KRT83: variants seen among roughly 807,000 people sequenced by gnomAD.
The protein encoded by KRT83 is keratin 83, also known as keratin, type II cuticular Hb3.
KRT83 carries 51 observed loss-of-function variants against 52.9 expected under a neutral mutation model. The ratio of observed to expected loss-of-function variants is 0.96; its 90% CI spans 0.77 to 1.22. The LOEUF is 1.22. Among genes scored for constraint, KRT83 ranks in the 50% most tolerant of loss-of-function variants. The pLI is 0.00. For missense variants in KRT83, 654 were observed against 666.5 expected (o/e 0.98, Z 0.21); for synonymous variants, 278 against 274.1 (o/e 1.01, Z -0.14).
chr12:52,319,108 G>T, intron 2 of KRT83, 48 bp downstream of exon 2: 2 of 1,611,710 alleles, frequency 1.2e-6, no homozygotes, highest in Non-Finnish European at 8.5e-7. Context: ...TCAGGGAGCT[G>T]CCACCATGCT....
In KRT83 at chr12:52,319,311, G is replaced by A. The variant is rs1403833982; in HGVS notation, c.438C>T (p.Tyr146=). The change falls in exon 2 of 9, where the codon TAC becomes TAT. Residue 146 remains tyrosine (Y), a synonymous_variant. Coordinates refer to ENST00000293670, the MANE Select transcript of KRT83 (RefSeq NM_002282.3). ...TACTCTGGCAGCACTCGCGGTTTTG[G>A]TAGAACTGCAGCTTTGTCTCCAGCA... ...NKLLETKLQF[Y]QNRECCQSNL... is the part of the protein sequence containing the mutation. 46 of 1,613,950 alleles carry A rather than the reference G, an allele frequency of 2.9e-5. No individual in the cohort carries two copies. The highest frequency in any genetic ancestry group is 3.8e-5 in the Non-Finnish European group (45 of 1,179,940).
intron 1 of KRT83, among the ~76,000 whole-genome samples, chr12:52,320,215 T>G (rs1328057710): frequency 6.6e-6 from 1 of 152,182 alleles, no homozygotes; most frequent in African/African-American, 2.4e-5. Flanking sequence ...GTGTGACTCC[T>G]CTCTTGAGGT....
chr12:52,316,140 G>A, intron 6 of KRT83, 27 bp from the exon 7 acceptor site: 1 of 1,612,476 alleles, frequency 6.2e-7, no homozygotes, highest in Non-Finnish European at 8.5e-7. Flanking sequence ...ATATGGAGAG[G>A]ATAAAGTGAA....
At chr12:52,317,169 A>G in intron 4 of KRT83, 146 bp from the exon 5 acceptor site, 9 of 1,102,676 alleles carry the variant, frequency 8.2e-6, no homozygotes, top group Non-Finnish European at 1.2e-5. Flanking sequence ...TTTCTGCACA[A>G]ATAGGAAATC....
rs763111001 is a variant in KRT83 at position 52,316,475 on chromosome 12, T to TTGG, written c.1031_1033dup (p.Ala344_Lys345insThr). ...TGGGCCGGGCTCTGGTACCTGGCAC[T>TTGG]TGGCATTCTCCACCTCGGCTGTCAG... On this transcript the variant is annotated inframe_insertion, in exon 6 of 9. Coordinates refer to ENST00000293670, the MANE Select transcript of KRT83 (RefSeq NM_002282.3). 4.3e-6 allele frequency: 7 copies of TTGG among 1,614,034 alleles called. No individual in the cohort carries two copies. Among genetic ancestry groups the TTGG allele is most frequent in the Non-Finnish European group, 5.1e-6 (6 of 1,180,022 alleles).
At chr12:52,318,753 A>G (rs1237135137) in intron 2 of KRT83, among the ~76,000 whole-genome samples, 1 of 152,252 alleles carries the variant, frequency 6.6e-6, no homozygotes, top group African/African-American at 2.4e-5. Context: ...AGGCTCCACA[A>G]GAACCCGCAC....
chr12:52,317,056 C>T (rs1469087140), intron 4 of KRT83, 33 bp from the exon 5 acceptor site: 1 of 1,614,062 alleles, frequency 6.2e-7, no homozygotes, highest in Admixed American at 1.7e-5. Context: ...GGACAACTCA[C>T]TTATCTGGGC....
At chr12:52,319,011 G>A (rs1938729200) in intron 2 of KRT83, 145 bp downstream of exon 2, 2 of 1,200,040 alleles carry the variant, frequency 1.7e-6, no homozygotes, top group Admixed American at 3.5e-5. Context: ...CCACACCCAA[G>A]GGACCCCTGT....
In KRT83 at chr12:52,314,705, T is replaced by C. The variant is rs1384190871; in HGVS notation, c.1408A>G (p.Thr470Ala). The C allele has an allele frequency of 6.3e-7, 1 of 1,585,696 alleles. No homozygotes were observed. The highest frequency in any genetic ancestry group is 8.6e-7 in the Non-Finnish European group (1 of 1,166,106). ...TGGCCACAGGGCTTGCACAAACCAGTGCTCACCACCAGGTTCCCGTTGCAG... is the reference window on the plus strand; with the variant it reads ...TGGCCACAGGGCTTGCACAAACCAGCGCTCACCACCAGGTTCCCGTTGCAG... ...APCNGNLVVS[T>A]GLCKPCGQLN... Residue 470 changes from threonine to alanine, a missense_variant, in exon 9 of 9, where the codon ACT becomes GCT. Coordinates refer to ENST00000293670, the MANE Select transcript of KRT83 (RefSeq NM_002282.3).
intron 2 of KRT83, 118 bp downstream of exon 2, chr12:52,319,038 A>G (rs1938729590): frequency 3.4e-6 from 5 of 1,465,590 alleles, no homozygotes; most frequent in Admixed American, 1.7e-5. Flanking sequence ...AACAGGGGGT[A>G]CAGGTTCTTC....
rs1938713324 is a variant in KRT83 at position 52,317,977 on chromosome 12, TGA to T, written c.594-9_594-8del. 6.2e-7 allele frequency: 1 copy of T among 1,613,458 alleles called. No individual in the cohort carries two copies. Among genetic ancestry groups the T allele is most frequent in the South Asian group, 1.1e-5 (1 of 91,060 alleles). On this transcript the variant is annotated splice_polypyrimidine_tract_variant and splice_region_variant and intron_variant, in intron 2 of 8. Coordinates refer to ENST00000293670, the MANE Select transcript of KRT83 (RefSeq NM_002282.3). Reference sequence around the variant, plus strand: ...TGCTACTTCTTCTTCATACCTGAGGTGAGCAGGGAGAACAGGACCTTGTCTGA... The same window carrying T: ...TGCTACTTCTTCTTCATACCTGAGGTGCAGGGAGAACAGGACCTTGTCTGA...
intron 8 of KRT83, 63 bp downstream of exon 8, chr12:52,315,249 T>A (rs935895322): frequency 4.0e-6 from 6 of 1,513,924 alleles, no homozygotes; most frequent in Non-Finnish European, 5.5e-6. Flanking sequence ...CTGCATATAT[T>A]CATAGTCAAG....
intron 2 of KRT83, 51 bp downstream of exon 2, chr12:52,319,105 G>A (rs892377936): frequency 6.2e-7 from 1 of 1,611,362 alleles, no homozygotes. Context: ...GGCTCAGGGA[G>A]CTGCCACCAT....
chr12:52,316,789 C>G (rs1938694351), intron 5 of KRT83, 70 bp downstream of exon 5: 6 of 1,611,876 alleles, frequency 3.7e-6, no homozygotes, highest in Non-Finnish European at 5.1e-6. Context: ...GACAAAGAAG[C>G]CTTTTCTACT....
At chr12:52,316,213 T>C (rs1938683855) in intron 6 of KRT83, 100 bp from the exon 7 acceptor site, 2 of 1,495,158 alleles carry the variant, frequency 1.3e-6, no homozygotes, top group Admixed American at 3.9e-5. Context: ...TCTTAAAATA[T>C]TATCTCTCCA....
Position 52,321,030 on chromosome 12 carries a change from G to T in KRT83, c.306C>A (p.Pro102=), listed in dbSNP as rs777675184. 1.8e-5 allele frequency: 29 copies of T among 1,613,010 alleles called. No homozygotes were observed. The highest frequency in any genetic ancestry group is 2.5e-5 in the Non-Finnish European group (29 of 1,179,878). The part of the protein sequence containing the change: ...LLTPLNLEID[P]NAQCVKQEEK... ...CCTCCTGCTTCACGCACTGCGCGTTGGGGTCTATCTCCAGGTTGAGGGGCG... is the reference window on the plus strand; with the variant it reads ...CCTCCTGCTTCACGCACTGCGCGTTTGGGTCTATCTCCAGGTTGAGGGGCG... The change falls in exon 1 of 9, where the codon CCC becomes CCA. Residue 102 remains proline (P), a synonymous_variant. Coordinates refer to ENST00000293670, the MANE Select transcript of KRT83 (RefSeq NM_002282.3).
chr12:52,316,205 T>G (rs1938683802), intron 6 of KRT83, 92 bp from the exon 7 acceptor site: 2 of 1,514,138 alleles, frequency 1.3e-6, no homozygotes, highest in South Asian at 1.2e-5. Flanking sequence ...AACTTCTATC[T>G]TAAAATATTA....
chr12:52,314,701 C>T lies in KRT83; in HGVS notation c.1412G>A (p.Gly471Asp), dbSNP rs147359482. ...CAGCTGGCCACAGGGCTTGCACAAA[C>T]CAGTGCTCACCACCAGGTTCCCGTT... ...PCNGNLVVST[G>D]LCKPCGQLNT... Residue 471 changes from glycine to aspartate, a missense_variant, in exon 9 of 9, where the codon GGT becomes GAT. By Grantham distance (94) the Gly-to-Asp change is moderately conservative (BLOSUM62 -1). Transcript: ENST00000293670. The T allele has an allele frequency of 2.3e-3, 3,669 of 1,584,752 alleles. 78 individuals are homozygous for T. The African/African-American group carries it at 0.043, about 19-fold the overall frequency.
chr12:52,317,558 AC>A, intron 4 of KRT83, 122 bp downstream of exon 4: 2 of 1,162,144 alleles, frequency 1.7e-6, no homozygotes, highest in East Asian at 2.4e-5. Flanking sequence ...CTCCCTGCCA[AC>A]CCTCCAGCCG....
Sources: gnomAD v4.1 joint callset for allele counts (sites outside exome capture counted in the v4.1 genomes callset) on GRCh38, gnomAD v4.1.1 for gene constraint, MANE v1.5 for transcripts, NCBI Gene and HGNC (gene_info 2026-07-23, HGNC 2026-07-21) for gene names.